Variants in BUB1B observed in about 807,000 individuals in gnomAD.
BUB1B encodes the protein BUB1 mitotic checkpoint serine/threonine kinase B, also known as mitotic checkpoint serine/threonine-protein kinase BUB1 beta.
A neutral mutation model predicts 137.7 loss-of-function variants in BUB1B; 86 were observed. The observed-to-expected ratio is 0.62, with a 90% confidence interval of 0.52 to 0.75. BUB1B has a LOEUF of 0.75. BUB1B is among the 30% of genes least tolerant of loss of function. The pLI is 0.00. For synonymous variants in BUB1B, 420 were observed against 417.9 expected, an observed-to-expected ratio of 1.00 and a Z score of -0.06; for missense variants, 1,130 against 1,236.9, an observed-to-expected ratio of 0.91 and a Z score of 1.30.
intron 6 of BUB1B, among the ~76,000 whole-genome samples, chr15:40,184,269 A>G (rs2037332712): frequency 6.6e-6 from 1 of 152,078 alleles, no homozygotes; most frequent in Non-Finnish European, 1.5e-5. Flanking sequence ...TAGACTCTCT[A>G]TATACCCAAA....
intron 16 of BUB1B, 101 bp downstream of exon 16, chr15:40,208,871 G>A (rs958219302): frequency 1.5e-5 from 19 of 1,239,098 alleles, no homozygotes; most frequent in Non-Finnish European, 2.0e-5. Flanking sequence ...GTCTCACTCT[G>A]TCACCCAGGA....
At position 40,218,570 on chromosome 15, in the gene BUB1B, T is replaced by C. The variant is rs2037835582; in HGVS notation, c.2957+8T>C. 6.3e-7 allele frequency: 1 copy of C among 1,579,372 alleles called. No individual in the cohort carries two copies. Among genetic ancestry groups the C allele is most frequent in the Middle Eastern group, 1.7e-4 (1 of 5,980 alleles). ...TAGCCAAAATATTTCTGAGTAAGTA[T>C]TGATGAATGTCAGGGTCTCTGCCTG... On this transcript the variant is annotated splice_region_variant and intron_variant, in intron 22 of 22. Transcript: ENST00000287598.
rs2037379842 is a variant in BUB1B at position 40,187,337 on chromosome 15, A to G, written c.1058+1695A>G. ...GAGACGGGATTTCACCGTGTTAGCC[A>G]GGATGGTCTCGATCTCCTGACCTCA... On this transcript the variant is annotated intron_variant, in intron 8 of 22. Transcript: ENST00000287598. 2.0e-5 allele frequency among the ~76,000 whole-genome samples: 3 copies of G among 152,032 alleles called. No homozygotes were observed. In the South Asian group the frequency reaches 6.2e-4, roughly 32 times the overall value.
intron 18 of BUB1B, among the ~76,000 whole-genome samples, chr15:40,211,950 G>A (rs745667287): frequency 6.6e-6 from 1 of 152,108 alleles, no homozygotes; most frequent in South Asian, 2.1e-4. Context: ...AGCCTCCCGC[G>A]TAGCTGGGAT....
rs1305379216 is a variant in BUB1B, at chr15:40,205,456, TATAG to T, written c.1735-724_1735-721del. On this transcript the variant is annotated intron_variant, in intron 14 of 22. Transcript: ENST00000287598. ...AATCTCTCTGAGGACAGCTAAGTAA[TATAG>T]ATAAAGAACTTTAGTGTTTATAACC... Among the ~76,000 whole-genome samples, 4 of 152,168 alleles carry T rather than the reference TATAG, an allele frequency of 2.6e-5. No individual in the cohort carries two copies. In the East Asian group the frequency reaches 5.8e-4, roughly 22 times the overall value.
In BUB1B at chr15:40,212,532, A is replaced by G; in HGVS notation, c.2419A>G (p.Ile807Val). 1.9e-6 allele frequency: 3 copies of G among 1,613,152 alleles called. No homozygotes were observed. Among genetic ancestry groups the G allele is most frequent in the East Asian group, 2.2e-5 (1 of 44,816 alleles). Residue 807 changes from isoleucine (I) to valine (V), a missense_variant, in exon 19 of 23, where the codon ATC (isoleucine) becomes GTC (valine). Physicochemically the swap from Ile to Val is conservative, Grantham distance 29. Transcript: ENST00000287598. ...SSQPVPWDFY[I>V]NLKLKERLNE... ...TCAACCTGTCCCATGGGACTTTTAT[A>G]TCAACCTCAAGTTAAAGGAACGTTT...
At chr15:40,189,205 G>A (rs759073761) in intron 8 of BUB1B, among the ~76,000 whole-genome samples, 7 of 152,132 alleles carry the variant, frequency 4.6e-5, no homozygotes, top group Non-Finnish European at 7.4e-5. Context: ...TGTCGCCCAG[G>A]CTGGAGTACA....
At chr15:40,176,442 T>A in intron 4 of BUB1B, 35 bp from the exon 5 acceptor site, 2 of 1,594,866 alleles carry the variant, frequency 1.3e-6, no homozygotes, top group East Asian at 4.5e-5. Context: ...AATACGTGAG[T>A]AGAAATTGGT....
chr15:40,216,650 C>A (rs1205872838), intron 20 of BUB1B, among the ~76,000 whole-genome samples: 1 of 144,092 alleles, frequency 6.9e-6, no homozygotes, highest in Non-Finnish European at 1.5e-5. Context: ...AAAATGAGAG[C>A]AATTATCAAT....
intron 20 of BUB1B, among the ~76,000 whole-genome samples, 156 bp downstream of exon 20, chr15:40,213,630 G>C (rs1202896616): frequency 6.6e-6 from 1 of 151,950 alleles, no homozygotes; most frequent in East Asian, 1.9e-4. Context: ...CCATCTCCCA[G>C]GTTCAAACGA....
Position 40,192,450 on chromosome 15 carries a change from CTG to C in BUB1B, c.1059-4089_1059-4088del, listed in dbSNP as rs373893521. Among the ~76,000 whole-genome samples the C allele has an allele frequency of 5.2e-4, 79 of 152,252 alleles. 1 individual carries two copies. In the East Asian group the frequency reaches 0.014, roughly 28 times the overall value. ...ATTCACTCTAATGTGTTTTACAGTT[CTG>C]TGTGTTTTAACAAATACATAATATT... On this transcript the variant is annotated intron_variant, in intron 8 of 22. Transcript: ENST00000287598.
At chr15:40,212,761 C>A in intron 19 of BUB1B, 113 bp downstream of exon 19, 1 of 960,906 alleles carries the variant, frequency 1.0e-6, no homozygotes, top group South Asian at 1.5e-5. Flanking sequence ...TAGACCAATT[C>A]AAGTATAAGT....
In BUB1B at chr15:40,197,227, A is replaced by G. The variant is rs2037509837; in HGVS notation, c.1288+453A>G. Reference sequence around the variant, plus strand: ...GAAATTTCTCCAAGGGCTTATTTAGATTAACATAGTAGGTCATACTGCAGT... The same window carrying G: ...GAAATTTCTCCAAGGGCTTATTTAGGTTAACATAGTAGGTCATACTGCAGT... On this transcript the variant is annotated intron_variant, in intron 9 of 22. Coordinates refer to ENST00000287598, the MANE Select transcript of BUB1B (RefSeq NM_001211.6). Among the ~76,000 whole-genome samples the G allele has an allele frequency of 2.0e-5, 3 of 152,210 alleles. No individual in the cohort carries two copies. In the South Asian group the frequency reaches 6.2e-4, roughly 32 times the overall value.
intron 14 of BUB1B, among the ~76,000 whole-genome samples, chr15:40,203,718 C>A (rs973813463): frequency 6.6e-6 from 1 of 152,150 alleles, no homozygotes; most frequent in Admixed American, 6.5e-5. Flanking sequence ...TCTATATTAA[C>A]CGCTATAGAC....
intron 1 of BUB1B, among the ~76,000 whole-genome samples, chr15:40,161,500 A>G (rs1175374537): frequency 6.6e-6 from 1 of 152,204 alleles, no homozygotes; most frequent in Non-Finnish European, 1.5e-5. Context: ...CCAGCGGAAC[A>G]AAGAGTTTGG....
intron 19 of BUB1B, 77 bp downstream of exon 19, chr15:40,212,725 C>T: frequency 7.4e-7 from 1 of 1,355,022 alleles, no homozygotes; most frequent in Non-Finnish European, 1.0e-6. Context: ...GAATTTAGTA[C>T]AAAATTCCTG....
intron 17 of BUB1B, 31 bp from the exon 18 acceptor site, chr15:40,210,079 A>AT (rs755170773): frequency 6.5e-7 from 1 of 1,542,322 alleles, no homozygotes; most frequent in Non-Finnish European, 9.0e-7. Flanking sequence ...GTTCACAGTG[A>AT]TTTTTAAATG....
chr15:40,166,060 C>G (rs1201903495), intron 2 of BUB1B, among the ~76,000 whole-genome samples: 1 of 152,182 alleles, frequency 6.6e-6, no homozygotes, highest in Non-Finnish European at 1.5e-5. Flanking sequence ...GCCATGTTGG[C>G]TGTGCTGGTC....
At position 40,220,626 on chromosome 15, in the gene BUB1B, C is replaced by G. The variant is rs370506288; in HGVS notation, c.3020C>G (p.Ala1007Gly). 8.7e-6 allele frequency: 14 copies of G among 1,614,032 alleles called. No individual in the cohort carries two copies. In the African/African-American group the frequency reaches 1.9e-4, roughly 22 times the overall value. ...CGGATTCTGAATGCCAATGATGAGG[C>G]CACAGTGTCTGTTCTTGGGGAGCTT... ...FVRILNANDE[A>G]TVSVLGELAA... Residue 1007 changes from alanine (A) to glycine (G), a missense_variant, in exon 23 of 23, where the codon GCC (alanine) becomes GGC (glycine). Transcript: ENST00000287598.
Sources: gnomAD v4.1 joint callset for allele counts (sites outside exome capture counted in the v4.1 genomes callset) on GRCh38, gnomAD v4.1.1 for gene constraint, MANE v1.5 for transcripts, NCBI Gene and HGNC (gene_info 2026-07-23, HGNC 2026-07-21) for gene names.